The following DPH6 variants were observed in gnomAD, a reference collection of about 807,000 sequenced individuals.
The protein encoded by DPH6 is diphthine--ammonia ligase.
Under a neutral mutation model 38.2 loss-of-function variants are expected in DPH6, and 33 were observed. The observed-to-expected ratio is 0.86, with a 90% CI of 0.65 to 1.15. The LOEUF is 1.15. DPH6 is among the 50% of genes most tolerant of loss of function. The pLI, the probability that DPH6 is intolerant of heterozygous loss-of-function variation, is 0.00. For missense variants in DPH6, 325 were observed against 320.0 expected (o/e 1.02, Z -0.12); for synonymous variants, 108 against 103.0 (o/e 1.05, Z -0.30).
intron 1 of DPH6, 31 bp from the exon 2 acceptor site, chr15:35,542,538 T>C: frequency 6.6e-7 from 1 of 1,513,154 alleles, no homozygotes; most frequent in Non-Finnish European, 9.1e-7. Context: ...GGGACAAATA[T>C]CATGCTACTG....
the DPH6 span, among the ~76,000 whole-genome samples, chr15:35,198,606 C>G: frequency 1.3e-5 from 2 of 152,160 alleles, no homozygotes; most frequent in Non-Finnish European, 2.9e-5. Flanking sequence ...TCTGGCTATT[C>G]TTTCCTTTAA....
At chr15:35,422,794 T>C (rs1008974509) in intron 5 of DPH6, among the ~76,000 whole-genome samples, 1 of 151,952 alleles carries the variant, frequency 6.6e-6, no homozygotes. Flanking sequence ...AGATCACACA[T>C]ATAAGTGATA....
intron 5 of DPH6, among the ~76,000 whole-genome samples, chr15:35,418,153 A>C (rs2053459039): frequency 6.6e-6 from 1 of 152,114 alleles, no homozygotes; most frequent in African/African-American, 2.4e-5. Context: ...CCCAGCGGTC[A>C]GTACAATTTA....
intron 3 of DPH6, among the ~76,000 whole-genome samples, chr15:35,293,694 A>G (rs1324066778): frequency 6.6e-6 from 1 of 152,158 alleles, no homozygotes; most frequent in Non-Finnish European, 1.5e-5. Flanking sequence ...AGGGGGAAAA[A>G]TTGCTTCTGA....
chr15:35,150,482 T>G, the DPH6 span, among the ~76,000 whole-genome samples: 1 of 152,190 alleles, frequency 6.6e-6, no homozygotes, highest in African/African-American at 2.4e-5. Context: ...TCCACAGCTG[T>G]TATTCATAAT....
the DPH6 span, among the ~76,000 whole-genome samples, chr15:35,161,181 A>C: frequency 6.6e-6 from 1 of 151,892 alleles, no homozygotes; most frequent in Non-Finnish European, 1.5e-5. Context: ...AACAACAAAA[A>C]CACTATTCTT....
Position 35,296,821 on chromosome 15 carries a change from G to A in DPH6, n.201-76239C>T, listed in dbSNP as rs1443520251. On this transcript the variant is annotated intron_variant and non_coding_transcript_variant, in intron 3 of 3. Coordinates refer to the DPH6 transcript ENST00000560386. ...CCTGGCTTCTTTTTTTTTTTGAGAC[G>A]GAGTCTCGCTCTGTCGCCCAGGCCG... Among the ~76,000 whole-genome samples the A allele has an allele frequency of 8.1e-5, 5 of 61,644 alleles. 2 individuals carry two copies. The East Asian group carries it at 5.5e-3, about 68-fold the overall frequency. The allele number at this position is 61,644 out of a possible 152,430, so 40.4% of individuals were successfully genotyped here.
chr15:35,397,253 T>C (rs957610976), intron 6 of DPH6, among the ~76,000 whole-genome samples: 18 of 152,226 alleles, frequency 1.2e-4, no homozygotes, highest in African/African-American at 4.3e-4. Context: ...GACTCAAGGC[T>C]GGAGGCCAGA....
chr15:35,196,141 C>T, the DPH6 span, among the ~76,000 whole-genome samples: 24 of 152,248 alleles, frequency 1.6e-4, no homozygotes, highest in Admixed American at 9.2e-4. Context: ...GCTCTCCAAA[C>T]GCAAACATGA....
intron 3 of DPH6, among the ~76,000 whole-genome samples, chr15:35,320,289 T>C (rs1182834680): frequency 6.6e-6 from 1 of 152,204 alleles, no homozygotes; most frequent in Non-Finnish European, 1.5e-5. Context: ...AGCTGGAATA[T>C]ATTTCAAGTG....
chr15:35,250,968 T>A (rs1299292220), intron 3 of DPH6, among the ~76,000 whole-genome samples: 1 of 152,224 alleles, frequency 6.6e-6, no homozygotes, highest in Non-Finnish European at 1.5e-5. Flanking sequence ...ATAGTTTTCA[T>A]AAGTCGTGCC....
chr15:35,403,128 C>A (rs771764632), intron 6 of DPH6, among the ~76,000 whole-genome samples: 1 of 151,968 alleles, frequency 6.6e-6, no homozygotes, highest in Non-Finnish European at 1.5e-5. Context: ...AACTACATAA[C>A]CTTGTATATA....
At chr15:35,448,091 TTC>T (rs1238926201) in intron 5 of DPH6, among the ~76,000 whole-genome samples, 3 of 152,292 alleles carry the variant, frequency 2.0e-5, no homozygotes, top group Non-Finnish European at 4.4e-5. Context: ...CCTTTATCAT[TTC>T]TCTCTCTTTT....
At chr15:35,468,745 G>A (rs1247959664) in intron 3 of DPH6, among the ~76,000 whole-genome samples, 1 of 151,604 alleles carries the variant, frequency 6.6e-6, no homozygotes, top group African/African-American at 2.4e-5. Context: ...GTGGCGAAAA[G>A]GGGACAGTTA....
In DPH6 at chr15:35,224,841, C is replaced by T. The variant is rs1240166064; in HGVS notation, n.201-4259G>A. On this transcript the variant is annotated intron_variant and non_coding_transcript_variant, in intron 3 of 3. Transcript: ENST00000560386. ...AGTAAATTTATATTTACAGAAAAGT[C>T]ACACAGGTAATACAGAGAATTCCTG... is the stretch of plus-strand genomic sequence containing the variant. Among the ~76,000 whole-genome samples, 6 of 152,250 alleles carry T rather than the reference C, an allele frequency of 3.9e-5. No homozygotes were observed. The East Asian group carries it at 1.2e-3, about 29-fold the overall frequency.
At chr15:35,530,999 T>C (rs903657808) in intron 3 of DPH6, among the ~76,000 whole-genome samples, 1 of 152,182 alleles carries the variant, frequency 6.6e-6, no homozygotes, top group African/African-American at 2.4e-5. Context: ...TGAGGCAAGC[T>C]GTGCAGTTCT....
the DPH6 span, among the ~76,000 whole-genome samples, chr15:35,202,445 A>G: frequency 6.6e-6 from 1 of 151,806 alleles, no homozygotes; most frequent in Non-Finnish European, 1.5e-5. Flanking sequence ...ATTTATTGGA[A>G]TGTTCAAAAC....
chr15:35,323,132 A>G (rs532232267), intron 3 of DPH6, among the ~76,000 whole-genome samples: 3 of 152,330 alleles, frequency 2.0e-5, no homozygotes, highest in African/African-American at 7.2e-5. Context: ...CAAATCTTAT[A>G]TAGTGGAGAC....
intron 3 of DPH6, among the ~76,000 whole-genome samples, chr15:35,518,600 GGGAAT>G (rs2054879900): frequency 6.6e-6 from 1 of 151,874 alleles, no homozygotes. Flanking sequence ...TTAAAAGTTT[GGGAAT>G]GAGGTGTGTA....
Sources: gnomAD v4.1 joint callset for allele counts (sites outside exome capture counted in the v4.1 genomes callset) on GRCh38, gnomAD v4.1.1 for gene constraint, MANE v1.5 for transcripts, NCBI Gene and HGNC (gene_info 2026-07-23, HGNC 2026-07-21) for gene names.